The following LRBA variants were observed in gnomAD, a reference collection of about 807,000 sequenced individuals.
The protein encoded by LRBA is lipopolysaccharide-responsive and beige-like anchor protein.
LRBA carries 176 observed loss-of-function variants against 330.0 expected under a neutral mutation model. The observed-to-expected ratio is 0.53, with a 90% CI of 0.47 to 0.60. LRBA has a LOEUF of 0.60. Among genes scored for constraint, LRBA ranks in the 20% least tolerant of loss-of-function variants. LRBA has a pLI of 0.00. For missense variants in LRBA, 3,259 were observed against 3,444.8 expected, an observed-to-expected ratio of 0.95 and a Z score of 1.35; for synonymous variants, 1,230 against 1,193.0, an observed-to-expected ratio of 1.03 and a Z score of -0.64.
At position 150,961,563 on chromosome 4, in the gene LRBA, A is replaced by C. The variant is rs553606705; in HGVS notation, c.217-32498T>G. ...TACTATTTTTAAAAATACCAGTCTTATTATTTTTATTAGAAAGGTTAGGAG... is the reference window on the plus strand; with the variant it reads ...TACTATTTTTAAAAATACCAGTCTTCTTATTTTTATTAGAAAGGTTAGGAG... On this transcript the variant is annotated intron_variant, in intron 2 of 56. Coordinates refer to ENST00000651943, the MANE Select transcript of LRBA (RefSeq NM_001364905.1). Among the ~76,000 whole-genome samples the C allele has an allele frequency of 2.1e-4, 31 of 149,394 alleles. 7 individuals carry two copies. Among genetic ancestry groups the C allele is most frequent in the African/African-American group, 8.0e-4 (31 of 38,808 alleles).
intron 37 of LRBA, 71 bp from the exon 38 acceptor site, chr4:150,599,202 A>G: frequency 6.5e-7 from 1 of 1,544,970 alleles, no homozygotes; most frequent in South Asian, 1.2e-5. Flanking sequence ...ATTTCTGCAT[A>G]AAGCTCTCCT....
At chr4:150,420,289 T>TAA (rs1302388315) in intron 46 of LRBA, among the ~76,000 whole-genome samples, 1 of 147,462 alleles carries the variant, frequency 6.8e-6, no homozygotes, top group Admixed American at 6.9e-5. Flanking sequence ...AGTATATATA[T>TAA]AATACACATT....
At chr4:150,944,423 T>TAAAC (rs1736018347) in intron 2 of LRBA, among the ~76,000 whole-genome samples, 1 of 152,238 alleles carries the variant, frequency 6.6e-6, no homozygotes, top group African/African-American at 2.4e-5. Flanking sequence ...TTACCTCTTG[T>TAAAC]AAACATGAAA....
intron 37 of LRBA, among the ~76,000 whole-genome samples, chr4:150,642,660 CATATA>C (rs913107313): frequency 2.0e-5 from 3 of 151,906 alleles, no homozygotes; most frequent in East Asian, 1.9e-4. Context: ...TTTTACTCTG[CATATA>C]ATATATTGAA....
chr4:150,278,805 T>C (rs1207387072), intron 55 of LRBA, among the ~76,000 whole-genome samples: 6 of 151,406 alleles, frequency 4.0e-5, no homozygotes, highest in African/African-American at 7.3e-5. Context: ...AATTCCAAAT[T>C]TGAATCCCCA....
chr4:150,643,056 T>C (rs1026965281), intron 37 of LRBA, among the ~76,000 whole-genome samples: 1 of 151,890 alleles, frequency 6.6e-6, no homozygotes, highest in African/African-American at 2.4e-5. Flanking sequence ...TGAAGGGAAA[T>C]TTAAAGTTCC....
At chr4:150,372,454 A>C (rs1211129465) in intron 47 of LRBA, among the ~76,000 whole-genome samples, 1 of 150,674 alleles carries the variant, frequency 6.6e-6, no homozygotes, top group Non-Finnish European at 1.5e-5. Context: ...TACAAAAATT[A>C]GCTGTATGTA....
intron 2 of LRBA, among the ~76,000 whole-genome samples, chr4:150,995,681 G>A (rs959957268): frequency 6.6e-6 from 1 of 152,064 alleles, no homozygotes; most frequent in Non-Finnish European, 1.5e-5. Context: ...GCTTTAGGAA[G>A]TACAAAAGGG....
intron 47 of LRBA, 151 bp from the exon 48 acceptor site, chr4:150,350,310 G>A (rs900208333): frequency 6.0e-5 from 35 of 579,250 alleles, no homozygotes; most frequent in South Asian, 5.4e-4. Flanking sequence ...AGTGGCTCAC[G>A]CCTATAATCC....
rs1254520578 is a variant in LRBA, at chr4:150,916,673, A to C, written c.711T>G (p.Leu237=). ...YQNGFTFHTW[L]RMDPVNNINV... ...TGATGTTATTTACAGGATCCATTCT[A>C]AGCCATGTATGAAATGTAAAACCAT... Residue 237 remains leucine, a synonymous_variant, in exon 6 of 57, where the codon CTT becomes CTG. Coordinates refer to ENST00000651943, the MANE Select transcript of LRBA (RefSeq NM_001364905.1). The C allele has an allele frequency of 6.2e-7, 1 of 1,601,050 alleles. No individual in the cohort carries two copies. Among genetic ancestry groups the C allele is most frequent in the Non-Finnish European group, 8.5e-7 (1 of 1,174,594 alleles).
intron 42 of LRBA, among the ~76,000 whole-genome samples, chr4:150,483,398 A>G (rs1332709544): frequency 3.3e-5 from 5 of 151,976 alleles, no homozygotes. Flanking sequence ...ATTTTATATT[A>G]AGTCTTTTGT....
At chr4:150,588,019 G>T (rs1420894898) in intron 40 of LRBA, 29 bp downstream of exon 40, 5 of 1,602,468 alleles carry the variant, frequency 3.1e-6, no homozygotes, top group Non-Finnish European at 4.3e-6. Context: ...CCCATCATAA[G>T]AAAAAATGAA....
intron 2 of LRBA, among the ~76,000 whole-genome samples, chr4:150,982,900 G>A (rs959701946): frequency 6.6e-5 from 10 of 152,164 alleles, no homozygotes; most frequent in African/African-American, 2.2e-4. Context: ...CACAAAAGGT[G>A]CAGAACTGGA....
Position 150,445,399 on chromosome 4 carries a change from A to C in LRBA, c.6781-8535T>G, listed in dbSNP as rs545244464. ...TCTCTATATATATATATATATATAT[A>C]TATATATATATACATATATACACAC... On this transcript the variant is annotated intron_variant, in intron 44 of 56. Transcript: ENST00000651943. Among the ~76,000 whole-genome samples the C allele has an allele frequency of 3.5e-3, 507 of 144,762 alleles. 5 individuals carry two copies. The highest frequency in any genetic ancestry group is 0.012 in the African/African-American group (464 of 39,740). 95.0% of individuals were successfully genotyped at this position (144,762 alleles called of 152,430 possible).
At chr4:150,584,150 C>T in intron 40 of LRBA, 1 of 1,497,340 alleles carries the variant, frequency 6.7e-7, no homozygotes, top group South Asian at 1.4e-5. Flanking sequence ...AACGGGCGTG[C>T]TCTCTCAGAC....
chr4:150,616,476 T>C (rs1363967089), intron 37 of LRBA, among the ~76,000 whole-genome samples: 2 of 152,158 alleles, frequency 1.3e-5, no homozygotes, highest in South Asian at 2.1e-4. Context: ...AAAAAATGTG[T>C]CAAGGAGAAG....
At chr4:150,770,172 T>A (rs1736359272) in intron 34 of LRBA, among the ~76,000 whole-genome samples, 1 of 152,152 alleles carries the variant, frequency 6.6e-6, no homozygotes, top group African/African-American at 2.4e-5. Context: ...TCACTTGCCC[T>A]CACATTAGCA....
At chr4:151,011,992 T>C (rs956573880) in intron 2 of LRBA, among the ~76,000 whole-genome samples, 14 of 152,050 alleles carry the variant, frequency 9.2e-5, no homozygotes, top group African/African-American at 3.4e-4. Flanking sequence ...TTTTCTAGAG[T>C]GGCCAAAACC....
At chr4:150,441,007 A>G (rs76099585) in intron 44 of LRBA, among the ~76,000 whole-genome samples, 2,215 of 152,240 alleles carry the variant, frequency 0.015, 52 homozygotes, top group African/African-American at 0.05. Context: ...TTGTAAGAAG[A>G]CTGCAATTAA....
Sources: gnomAD v4.1 joint callset for allele counts (sites outside exome capture counted in the v4.1 genomes callset) on GRCh38, gnomAD v4.1.1 for gene constraint, MANE v1.5 for transcripts, NCBI Gene and HGNC (gene_info 2026-07-23, HGNC 2026-07-21) for gene names.